Variants in ST6GAL2 observed in about 807,000 individuals in gnomAD.
The protein encoded by ST6GAL2 is beta-galactoside alpha-2,6-sialyltransferase 2.
In ST6GAL2, 24 loss-of-function variants were observed where a neutral mutation model predicts 37.5. That is an observed-to-expected ratio of 0.64 (90% CI 0.46 to 0.90). The LOEUF (loss-of-function observed/expected upper bound fraction) is 0.90, where lower values mean the gene tolerates loss of function less well. Ranked by LOEUF, ST6GAL2 falls within the 40% of genes least tolerant of loss-of-function variation. The probability of loss-of-function intolerance (pLI) is 0.00; values close to 1 mark genes in which losing one functional copy is unlikely to be tolerated. For synonymous variants in ST6GAL2, 306 were observed against 295.1 expected (o/e 1.04, Z -0.38); for missense variants, 715 against 712.7 (o/e 1.00, Z -0.04).
chr2:106,868,440 A>G (rs1678125269), intron 1 of ST6GAL2, among the ~76,000 whole-genome samples: 1 of 152,166 alleles, frequency 6.6e-6, no homozygotes, highest in Admixed American at 6.5e-5. Context: ...TGCCATATGG[A>G]TGTCAGATTA....
In ST6GAL2 at chr2:106,863,671, C is replaced by A. The variant is rs183198280; in HGVS notation, c.-57-19637G>T. ...CGTTTGCTAAAGGTAGGACCTGGCA[C>A]TACTTAATTAACCTCTCCCATCCCC... On this transcript the variant is annotated intron_variant, in intron 1 of 5. Transcript: ENST00000409382. Among the ~76,000 whole-genome samples the A allele has an allele frequency of 8.5e-4, 130 of 152,304 alleles. No homozygotes were observed. In the Middle Eastern group the frequency reaches 0.017, roughly 20 times the overall value.
intron 2 of ST6GAL2, 198 bp from the exon 3 acceptor site, chr2:106,834,344 T>A: frequency 1.9e-6 from 1 of 536,832 alleles, no homozygotes; most frequent in East Asian, 3.2e-5. Context: ...TCAATATGGA[T>A]ATATATAGAT....
At position 106,836,181 on chromosome 2, in the gene ST6GAL2, G is replaced by A. The variant is rs547980058; in HGVS notation, c.944-2035C>T. Among the ~76,000 whole-genome samples the A allele has an allele frequency of 1.4e-4, 21 of 152,194 alleles. 1 individual carries two copies. In the South Asian group the frequency reaches 3.7e-3, roughly 27 times the overall value. On this transcript the variant is annotated intron_variant, in intron 2 of 5. Coordinates refer to ENST00000409382, the MANE Select transcript of ST6GAL2 (RefSeq NM_001142351.2). ...AAAGAATACTGAGAAGACTGGCACC[G>A]TTTTTAATGTCTGCAAGTCTCTTTA...
chr2:106,858,904 G>A (rs1677688837), intron 1 of ST6GAL2, among the ~76,000 whole-genome samples: 1 of 152,022 alleles, frequency 6.6e-6, no homozygotes, highest in African/African-American at 2.4e-5. Flanking sequence ...GGCAAGGGAG[G>A]ACAGCCAGAT....
At chr2:106,839,359 G>A (rs956794402) in intron 2 of ST6GAL2, among the ~76,000 whole-genome samples, 1 of 152,030 alleles carries the variant, frequency 6.6e-6, no homozygotes, top group African/African-American at 2.4e-5. Flanking sequence ...AGGGGAGTTA[G>A]GAATCCGTTG....
chr2:106,859,475 T>C (rs1385688416), intron 1 of ST6GAL2, among the ~76,000 whole-genome samples: 1 of 152,228 alleles, frequency 6.6e-6, no homozygotes. Context: ...TCAAACTTAA[T>C]GTCCAAACAA....
chr2:106,815,271 T>C (rs1281939354), intron 5 of ST6GAL2, among the ~76,000 whole-genome samples: 1 of 152,220 alleles, frequency 6.6e-6, no homozygotes, highest in African/African-American at 2.4e-5. Flanking sequence ...GCACTGGCAC[T>C]AATACTCCTG....
chr2:106,826,405 A>G (rs1676206328), intron 5 of ST6GAL2, among the ~76,000 whole-genome samples: 1 of 151,986 alleles, frequency 6.6e-6, no homozygotes, highest in Non-Finnish European at 1.5e-5. Flanking sequence ...ATGCTCTCAA[A>G]TAACCAAATC....
chr2:106,816,747 G>A (rs1440040708), intron 5 of ST6GAL2, among the ~76,000 whole-genome samples: 1 of 152,130 alleles, frequency 6.6e-6, no homozygotes, highest in Non-Finnish European at 1.5e-5. Context: ...CACAAAAAAA[G>A]CATCTTCGTA....
At position 106,844,548 on chromosome 2, in the gene ST6GAL2, T is replaced by C. The variant is rs181324992; in HGVS notation, c.-57-514A>G. Among the ~76,000 whole-genome samples the C allele has an allele frequency of 1.1e-4, 17 of 152,200 alleles. No individual in the cohort carries two copies. In the East Asian group the frequency reaches 3.3e-3, roughly 30 times the overall value. ...CTAAGGAGTGACAACCCTATCTGAT[T>C]CTTCCTGTTCTCCCCATTCTGGAAG... On this transcript the variant is annotated intron_variant, in intron 1 of 5. Coordinates refer to ENST00000409382, the MANE Select transcript of ST6GAL2 (RefSeq NM_001142351.2).
rs1426798721 is a variant in ST6GAL2 at position 106,884,938 on chromosome 2, T to TATATATATAC, written c.-58+1154_-58+1155insGTATATATAT. Among the ~76,000 whole-genome samples the TATATATATAC allele has an allele frequency of 6.1e-4, 76 of 123,724 alleles. 3 individuals carry two copies. Among genetic ancestry groups the TATATATATAC allele is most frequent in the Middle Eastern group, 8.0e-3 (2 of 250 alleles). The allele number at this position is 123,724 out of a possible 152,430, so 81.2% of individuals were successfully genotyped here. On this transcript the variant is annotated intron_variant, in intron 1 of 5. Coordinates refer to ENST00000409382, the MANE Select transcript of ST6GAL2 (RefSeq NM_001142351.2). ...ATATATATATATATATATATATACA[T>TATATATATAC]ACACACACACACATATATACATATG...
chr2:106,846,040 C>T (rs200474741), intron 1 of ST6GAL2, among the ~76,000 whole-genome samples: 10 of 38,706 alleles, frequency 2.6e-4, no homozygotes, highest in African/African-American at 7.3e-4. Flanking sequence ...CTGTTCCAGC[C>T]GTCCCAGCCA....
intron 2 of ST6GAL2, chr2:106,834,979 G>A (rs770773598): frequency 6.6e-6 from 1 of 152,226 alleles, no homozygotes; most frequent in Non-Finnish European, 1.5e-5. Context: ...TGAAAACAAG[G>A]TACCCCTATC....
intron 1 of ST6GAL2, among the ~76,000 whole-genome samples, chr2:106,862,059 A>C (rs1677821367): frequency 6.6e-6 from 1 of 152,262 alleles, no homozygotes; most frequent in Non-Finnish European, 1.5e-5. Context: ...GTATCACAAA[A>C]GAAAGCACTA....
intron 1 of ST6GAL2, among the ~76,000 whole-genome samples, chr2:106,882,145 T>G (rs1461974255): frequency 6.6e-6 from 1 of 152,220 alleles, no homozygotes; most frequent in Non-Finnish European, 1.5e-5. Flanking sequence ...TCTGTATACA[T>G]GGGCTCCCTG....
chr2:106,885,439 A>G (rs1678938074), intron 1 of ST6GAL2, among the ~76,000 whole-genome samples: 1 of 152,264 alleles, frequency 6.6e-6, no homozygotes, highest in Non-Finnish European at 1.5e-5. Context: ...CAATCACAAA[A>G]AGTCTCATTT....
At chr2:106,875,291 C>G (rs1167956971) in intron 1 of ST6GAL2, among the ~76,000 whole-genome samples, 4 of 151,710 alleles carry the variant, frequency 2.6e-5, no homozygotes, top group African/African-American at 7.3e-5. Context: ...TGCCCCCAAC[C>G]TCAGCCTCCA....
At position 106,806,355 on chromosome 2, in the gene ST6GAL2, C is replaced by G. The variant is rs573952822; in HGVS notation, c.*323G>C. On this transcript the variant is annotated 3_prime_UTR_variant, in exon 6 of 6. Coordinates refer to ENST00000409382, the MANE Select transcript of ST6GAL2 (RefSeq NM_001142351.2). The stretch of plus-strand genomic sequence containing the variant: ...CCAAAACCTGTCATTGAAACCAACC[C>G]TGATGAGGGGTACTCATGGCAGAAG... 9 of 255,184 alleles carry G rather than the reference C, an allele frequency of 3.5e-5. No individual in the cohort carries two copies. In the South Asian group the frequency reaches 5.4e-4, roughly 15 times the overall value. The allele number at this position is 255,184 out of a possible 1,614,324, so 15.8% of individuals were successfully genotyped here. A position where few individuals can be genotyped will look rare whatever the true frequency, so the allele number is the denominator to read the frequency against.
At chr2:106,823,044 G>A (rs1337859461) in intron 5 of ST6GAL2, 1 of 152,086 alleles carries the variant, frequency 6.6e-6, no homozygotes, top group Non-Finnish European at 1.5e-5. Flanking sequence ...AAATACTTTT[G>A]GTGAAGAGGT....
Sources: allele counts gnomAD v4.1 joint callset (sites outside exome capture counted in the v4.1 genomes callset), GRCh38; gene constraint gnomAD v4.1.1; transcripts MANE v1.5; gene names NCBI Gene and HGNC (gene_info 2026-07-23, HGNC 2026-07-21).